Variants in EXOC6 observed in about 807,000 individuals in gnomAD.
EXOC6 encodes SEC15-like 1.
EXOC6 carries 60 observed loss-of-function variants against 112.5 expected under a neutral mutation model. That is an observed-to-expected ratio of 0.53 (90% CI 0.43 to 0.66). The LOEUF is 0.66. Ranked by LOEUF, EXOC6 falls within the 30% of genes least tolerant of loss-of-function variation. The pLI is 0.00. For synonymous variants in EXOC6, 295 were observed against 308.0 expected (o/e 0.96, Z 0.44); for missense variants, 855 against 957.1 (o/e 0.89, Z 1.41).
chr10:93,036,492 TAAAC>T (rs1845522826), intron 20 of EXOC6, among the ~76,000 whole-genome samples: 2 of 152,180 alleles, frequency 1.3e-5, no homozygotes, highest in African/African-American at 2.4e-5. Context: ...CATAATTTAT[TAAAC>T]AAGTCCTCAT....
upstream of EXOC6, among the ~76,000 whole-genome samples, chr10:92,833,215 C>T (rs181690411): frequency 6.6e-6 from 1 of 152,232 alleles, no homozygotes; most frequent in East Asian, 1.9e-4. Flanking sequence ...GTCTGTGGTT[C>T]AGTTGGGGCT....
chr10:92,953,122 A>G (rs1853511451), intron 15 of EXOC6, among the ~76,000 whole-genome samples: 1 of 152,132 alleles, frequency 6.6e-6, no homozygotes, highest in South Asian at 2.1e-4. Flanking sequence ...TCTGTTGCCC[A>G]GGCTGGAATG....
chr10:92,899,847 G>T, intron 5 of EXOC6: 1 of 448,276 alleles, frequency 2.2e-6, no homozygotes, highest in Non-Finnish European at 4.0e-6. Flanking sequence ...CTTTATAAAT[G>T]ATATCAAGGA....
intron 6 of EXOC6, among the ~76,000 whole-genome samples, chr10:92,910,553 C>T (rs1480400033): frequency 1.3e-5 from 2 of 151,972 alleles, no homozygotes; most frequent in Admixed American, 1.3e-4. Context: ...CAAACTTGTA[C>T]AGATCTTAGC....
At chr10:92,892,814 G>A (rs766895322) in intron 1 of EXOC6, among the ~76,000 whole-genome samples, 1 of 152,130 alleles carries the variant, frequency 6.6e-6, no homozygotes, top group African/African-American at 2.4e-5. Context: ...CCCTGGAGCC[G>A]GACTATCAGG....
chr10:92,950,340 A>G (rs1449427113), intron 14 of EXOC6, among the ~76,000 whole-genome samples: 1 of 152,204 alleles, frequency 6.6e-6, no homozygotes, highest in Non-Finnish European at 1.5e-5. Context: ...AATAGTAAAC[A>G]TACATGCAAA....
chr10:92,896,361 T>C lies in EXOC6; in HGVS notation c.412+1341T>C, dbSNP rs1207829080. Among the ~76,000 whole-genome samples, 4 of 149,368 alleles carry C rather than the reference T, an allele frequency of 2.7e-5. No individual in the cohort carries two copies. The East Asian group carries it at 7.9e-4, about 29-fold the overall frequency. On this transcript the variant is annotated intron_variant, in intron 4 of 21. Transcript: ENST00000260762. ...TATAGGTGCCACCACCATGCCTGCCTAATTTTTGTATTTACAGTAGAGGTG... is the reference window on the plus strand; with the variant it reads ...TATAGGTGCCACCACCATGCCTGCCCAATTTTTGTATTTACAGTAGAGGTG...
At chr10:92,978,182 G>A (rs927947274) in intron 18 of EXOC6, among the ~76,000 whole-genome samples, 1 of 152,142 alleles carries the variant, frequency 6.6e-6, no homozygotes, top group African/African-American at 2.4e-5. Flanking sequence ...GGCCAAGATG[G>A]GAGGACCACC....
intron 4 of EXOC6, among the ~76,000 whole-genome samples, chr10:92,896,930 G>C (rs1278362420): frequency 6.6e-6 from 1 of 152,064 alleles, no homozygotes; most frequent in Admixed American, 6.5e-5. Flanking sequence ...AATCTCTGAT[G>C]GACCAGGTAT....
chr10:93,018,944 A>G (rs2134251300), intron 20 of EXOC6, among the ~76,000 whole-genome samples: 1 of 151,772 alleles, frequency 6.6e-6, no homozygotes, highest in Middle Eastern at 3.4e-3. Flanking sequence ...TGGACTAGGT[A>G]AAAAAACTTC....
At position 92,955,388 on chromosome 10, in the gene EXOC6, G is replaced by GTATATA. The variant is rs199547769; in HGVS notation, c.1639-179_1639-174dup. On this transcript the variant is annotated intron_variant, in intron 16 of 21. Coordinates refer to ENST00000260762, the MANE Select transcript of EXOC6 (RefSeq NM_019053.6). ...ACTCTTGGTGTGTGTGTGTGTGTGT[G>GTATATA]TATATATATATATATATAAATTCAT... Among the ~76,000 whole-genome samples the GTATATA allele has an allele frequency of 5.8e-4, 85 of 147,670 alleles. 3 individuals are homozygous for GTATATA. The South Asian group carries it at 0.016, about 28-fold the overall frequency.
At chr10:92,994,910 A>G (rs762327104) in intron 18 of EXOC6, among the ~76,000 whole-genome samples, 20 of 151,990 alleles carry the variant, frequency 1.3e-4, no homozygotes, top group Non-Finnish European at 2.6e-4. Flanking sequence ...TATGTAGTAC[A>G]TGAAGTTTAA....
intron 1 of EXOC6, among the ~76,000 whole-genome samples, chr10:92,884,977 G>C (rs1849141713): frequency 6.6e-6 from 1 of 152,108 alleles, no homozygotes; most frequent in African/African-American, 2.4e-5. Flanking sequence ...TCTCAGTTAA[G>C]ACATTTGATT....
chr10:92,883,207 A>G (rs910060980), intron 1 of EXOC6, among the ~76,000 whole-genome samples: 11 of 152,244 alleles, frequency 7.2e-5, no homozygotes, highest in Non-Finnish European at 1.5e-4. Flanking sequence ...TGAATTTACC[A>G]CATTTACTGA....
At chr10:92,997,354 C>T in intron 18 of EXOC6, 120 bp from the exon 19 acceptor site, 2 of 779,172 alleles carry the variant, frequency 2.6e-6, no homozygotes, top group Admixed American at 3.4e-5. Flanking sequence ...GGAAAGTAAC[C>T]ACTATTGTAC....
Position 92,974,192 on chromosome 10 carries a change from A to C in EXOC6, c.1913A>C (p.Asn638Thr), listed in dbSNP as rs770324583. Residue 638 changes from asparagine (N) to threonine (T), a missense_variant, in exon 18 of 22, where the codon AAT (asparagine) becomes ACT (threonine). Physicochemically the swap from Asn to Thr is moderately conservative, Grantham distance 65. Coordinates refer to ENST00000260762, the MANE Select transcript of EXOC6 (RefSeq NM_019053.6). The stretch of plus-strand genomic sequence containing the variant: ...AGTGGTTATTTAATGGACCTTATAA[A>C]TTTTTTGAGAAGCATCTTTCAAGTG... Reference protein sequence around the residue: ...RASGYLMDLINFLRSIFQVFT... With the variant: ...RASGYLMDLITFLRSIFQVFT... 4 of 1,578,572 alleles carry C rather than the reference A, an allele frequency of 2.5e-6. No individual in the cohort carries two copies. In the African/African-American group the frequency reaches 4.1e-5, roughly 16 times the overall value.
chr10:92,998,670 A>G (rs541710748), intron 19 of EXOC6, among the ~76,000 whole-genome samples: 2 of 146,432 alleles, frequency 1.4e-5, no homozygotes, highest in Admixed American at 6.9e-5. Context: ...ACACACTCCA[A>G]AGTTTCTAAA....
chr10:93,020,201 T>G (rs1387283030), intron 20 of EXOC6, among the ~76,000 whole-genome samples: 1 of 152,098 alleles, frequency 6.6e-6, no homozygotes, highest in Non-Finnish European at 1.5e-5. Flanking sequence ...TAGCTACAAG[T>G]CTCCAAACTA....
intron 20 of EXOC6, among the ~76,000 whole-genome samples, chr10:93,055,431 C>A (rs1846491508): frequency 6.6e-6 from 1 of 152,132 alleles, no homozygotes; most frequent in African/African-American, 2.4e-5. Context: ...CTCGAAGTTG[C>A]ATTCCAAGAA....
Sources: allele counts gnomAD v4.1 joint callset (sites outside exome capture counted in the v4.1 genomes callset), GRCh38; gene constraint gnomAD v4.1.1; transcripts MANE v1.5; gene names NCBI Gene and HGNC (gene_info 2026-07-23, HGNC 2026-07-21).